TMC5: variants seen among roughly 807,000 people sequenced by gnomAD.
The protein encoded by TMC5 is transmembrane channel like 5.
Under a neutral mutation model 110.5 loss-of-function variants are expected in TMC5, and 86 were observed. That is an observed-to-expected ratio of 0.78 (90% CI 0.65 to 0.93). The LOEUF (loss-of-function observed/expected upper bound fraction) is 0.93, where lower values mean the gene tolerates loss of function less well. TMC5 is among the 40% of genes least tolerant of loss of function. The pLI, the probability that TMC5 is intolerant of heterozygous loss-of-function variation, is 0.00. For synonymous variants in TMC5, 455 were observed against 439.5 expected (o/e 1.04, Z -0.44); for missense variants, 1,144 against 1,222.8 (o/e 0.94, Z 0.96).
intron 2 of TMC5, among the ~76,000 whole-genome samples, chr16:19,439,152 A>T (rs1456538038): frequency 6.6e-6 from 1 of 152,188 alleles, no homozygotes; most frequent in East Asian, 1.9e-4. Context: ...GTACAGAGAA[A>T]TCTTTAGGCC....
chr16:19,447,933 G>C (rs527338212), intron 4 of TMC5, among the ~76,000 whole-genome samples: 20 of 152,224 alleles, frequency 1.3e-4, no homozygotes, highest in Admixed American at 3.9e-4. Context: ...CAACTAGGAA[G>C]TAACAGGGCT....
chr16:19,463,212 G>A (rs2143583804), intron 6 of TMC5, 68 bp from the exon 7 acceptor site: 1 of 1,228,290 alleles, frequency 8.1e-7, no homozygotes, highest in East Asian at 2.3e-5. Flanking sequence ...GAGCCACCAT[G>A]TAACTATTTT....
At chr16:19,481,168 T>A (rs1968609557) in intron 14 of TMC5, among the ~76,000 whole-genome samples, 1 of 152,154 alleles carries the variant, frequency 6.6e-6, no homozygotes, top group Non-Finnish European at 1.5e-5. Context: ...CTGCATTGTG[T>A]TAAATTAGTT....
rs1194443539 is a variant in TMC5, at chr16:19,455,006, GC to G, written c.1049-5225del. On this transcript the variant is annotated intron_variant, in intron 5 of 21. Coordinates refer to ENST00000542583, the MANE Select transcript of TMC5 (RefSeq NM_001261841.2). ...AAAACAAATAGCTGGGCATGGTGGT[GC>G]CCCTGTGGTCCCAGATACTCAGGAG... Among the ~76,000 whole-genome samples the G allele has an allele frequency of 3.3e-5, 5 of 152,134 alleles. No homozygotes were observed. In the East Asian group the frequency reaches 9.7e-4, roughly 29 times the overall value.
chr16:19,437,437 G>A (rs866292239), intron 2 of TMC5, among the ~76,000 whole-genome samples: 4 of 152,196 alleles, frequency 2.6e-5, no homozygotes, highest in African/African-American at 9.7e-5. Context: ...TGGATGCTGT[G>A]CAGGGACACA....
rs925629960 is a variant in TMC5 at position 19,469,961 on chromosome 16, C to A, written c.1782+136C>A. 5.3e-6 allele frequency: 5 copies of A among 949,238 alleles called. No individual in the cohort carries two copies. In the African/African-American group the frequency reaches 8.3e-5, roughly 16 times the overall value. The allele number at this position is 949,238 out of a possible 1,614,324, so 58.8% of individuals were successfully genotyped here. On this transcript the variant is annotated intron_variant, in intron 10 of 21. Transcript: ENST00000542583. ...CCAGGCTGGAGTGCAGTGGCGCAAT[C>A]CCGGCTCACTGCAGGCTCCGCCTCC...
At chr16:19,436,000 G>T (rs60928411) in intron 2 of TMC5, among the ~76,000 whole-genome samples, 3 of 152,030 alleles carry the variant, frequency 2.0e-5, no homozygotes, top group African/African-American at 7.3e-5. Context: ...GGTGGCTCAC[G>T]TCTGTAATCC....
chr16:19,495,390 T>C (rs1164750988), intron 20 of TMC5, among the ~76,000 whole-genome samples: 1 of 152,158 alleles, frequency 6.6e-6, no homozygotes, highest in African/African-American at 2.4e-5. Flanking sequence ...CACTTTAATT[T>C]ACTTGTTTAT....
At chr16:19,438,889 G>A (rs1039098204) in intron 2 of TMC5, among the ~76,000 whole-genome samples, 2 of 152,244 alleles carry the variant, frequency 1.3e-5, no homozygotes, top group African/African-American at 2.4e-5. Flanking sequence ...AGCCTCCCCA[G>A]CCAGAATAGG....
At chr16:19,414,965 G>A (rs1030308549), upstream of TMC5, among the ~76,000 whole-genome samples, 4 of 152,128 alleles carry the variant, frequency 2.6e-5, no homozygotes, top group South Asian at 2.1e-4. Context: ...CAAGAGGATC[G>A]TTTGAGCCCA....
intron 6 of TMC5, among the ~76,000 whole-genome samples, chr16:19,462,915 A>G (rs997932240): frequency 4.0e-5 from 6 of 151,162 alleles, no homozygotes; most frequent in Non-Finnish European, 4.4e-5. Context: ...AAAAAAAAAG[A>G]AAAAGGAAGA....
rs773133480 is a variant in TMC5, at chr16:19,440,650, G to A, written c.612G>A (p.Lys204=). 2 of 1,614,084 alleles carry A rather than the reference G, an allele frequency of 1.2e-6. No individual in the cohort carries two copies. Among genetic ancestry groups the A allele is most frequent in the Admixed American group, 3.3e-5 (2 of 60,000 alleles). Reference sequence around the variant, plus strand: ...ATCCATACGCAGACTCTCTGGGAAAGCCTGATTATCCAGGCGCTGACATTC... The same window carrying A: ...ATCCATACGCAGACTCTCTGGGAAAACCTGATTATCCAGGCGCTGACATTC... ...RINPYADSLG[K]PDYPGADIQP... The change falls in exon 3 of 22, where the codon AAG becomes AAA. Residue 204 remains lysine (K), a synonymous_variant. Transcript: ENST00000542583.
intron 4 of TMC5, among the ~76,000 whole-genome samples, chr16:19,448,012 A>G (rs1967652861): frequency 6.6e-6 from 1 of 151,846 alleles, no homozygotes; most frequent in Admixed American, 6.6e-5. Context: ...GTCCCCATTA[A>G]AATGTGCTCC....
At chr16:19,416,756 C>T (rs913508904), upstream of TMC5, among the ~76,000 whole-genome samples, 12 of 152,094 alleles carry the variant, frequency 7.9e-5, no homozygotes, top group Admixed American at 3.9e-4. Context: ...AGAGTTAAAC[C>T]TGTATGGTCC....
chr16:19,470,864 T>A (rs1432814634), intron 10 of TMC5, among the ~76,000 whole-genome samples: 1 of 150,550 alleles, frequency 6.6e-6, no homozygotes, highest in Non-Finnish European at 1.5e-5. Flanking sequence ...AAACCCCATC[T>A]CTACTAAAAA....
intron 6 of TMC5, among the ~76,000 whole-genome samples, chr16:19,461,918 G>C (rs977694947): frequency 2.0e-5 from 3 of 152,154 alleles, no homozygotes; most frequent in African/African-American, 7.2e-5. Flanking sequence ...ATTGCAATGG[G>C]AGGACCAGAA....
intron 17 of TMC5, among the ~76,000 whole-genome samples, chr16:19,489,332 T>C (rs999271822): frequency 6.6e-6 from 1 of 151,938 alleles, no homozygotes; most frequent in Non-Finnish European, 1.5e-5. Context: ...GGCTAATTAT[T>C]TTTTTATTTT....
intron 19 of TMC5, among the ~76,000 whole-genome samples, chr16:19,492,518 T>C (rs1371067540): frequency 6.6e-6 from 1 of 152,140 alleles, no homozygotes; most frequent in African/African-American, 2.4e-5. Context: ...CAATCTCGGC[T>C]CACGGCAACT....
intron 17 of TMC5, among the ~76,000 whole-genome samples, chr16:19,489,647 T>TTA (rs1334580058): frequency 1.1e-5 from 1 of 93,090 alleles, no homozygotes; most frequent in Non-Finnish European, 2.1e-5. Flanking sequence ...CTGGCTAATT[T>TTA]TTTTTTTTTT....
Sources: gnomAD v4.1 joint callset for allele counts (sites outside exome capture counted in the v4.1 genomes callset) on GRCh38, gnomAD v4.1.1 for gene constraint, MANE v1.5 for transcripts, NCBI Gene and HGNC (gene_info 2026-07-23, HGNC 2026-07-21) for gene names.